The following NPAS3 variants were observed in gnomAD, a reference collection of about 807,000 sequenced individuals.
NPAS3 encodes the protein neuronal PAS domain-containing protein 3.
Under a neutral mutation model 73.1 loss-of-function variants are expected in NPAS3, and 14 were observed. That is an observed-to-expected ratio of 0.19 (90% CI 0.13 to 0.30). The LOEUF (loss-of-function observed/expected upper bound fraction) is 0.30, where lower values mean the gene tolerates loss of function less well. Among genes scored for constraint, NPAS3 ranks in the 10% least tolerant of loss-of-function variants. NPAS3 has a pLI of 1.00. For missense variants in NPAS3, 1,096 were observed against 1,250.0 expected, an observed-to-expected ratio of 0.88 and a Z score of 1.86; for synonymous variants, 620 against 541.5, an observed-to-expected ratio of 1.14 and a Z score of -2.01.
intron 1 of NPAS3, among the ~76,000 whole-genome samples, chr14:33,041,759 C>T (rs1450988600): frequency 6.6e-6 from 1 of 152,102 alleles, no homozygotes; most frequent in Non-Finnish European, 1.5e-5. Flanking sequence ...ACTAAACTTA[C>T]AGGTTTATAT....
At chr14:33,082,270 A>G (rs1289911492) in intron 2 of NPAS3, among the ~76,000 whole-genome samples, 3 of 152,192 alleles carry the variant, frequency 2.0e-5, no homozygotes. Flanking sequence ...CCTAGTTGTA[A>G]GAAAGGGAGA....
intron 5 of NPAS3, chr14:33,582,209 T>C (rs1320535750): frequency 6.6e-6 from 1 of 152,238 alleles, no homozygotes; most frequent in Non-Finnish European, 1.5e-5. Flanking sequence ...GATCATCCAT[T>C]TTCTCATACC....
chr14:33,107,040 G>T lies in NPAS3; in HGVS notation c.140+51046G>T, dbSNP rs1029147858. ...TGGCTGTTGTATTCTCACTTTTTCTGTGTCTTCCACTCAGAATAAAGGCTG... is the reference window on the plus strand; with the variant it reads ...TGGCTGTTGTATTCTCACTTTTTCTTTGTCTTCCACTCAGAATAAAGGCTG... On this transcript the variant is annotated intron_variant, in intron 2 of 11. Coordinates refer to ENST00000356141, the Ensembl canonical transcript of NPAS3. Among the ~76,000 whole-genome samples, 8 of 151,978 alleles carry T rather than the reference G, an allele frequency of 5.3e-5. No homozygotes were observed. In the South Asian group the frequency reaches 1.2e-3, roughly 24 times the overall value.
chr14:33,635,432 G>T (rs547946550), intron 5 of NPAS3, among the ~76,000 whole-genome samples: 1 of 152,286 alleles, frequency 6.6e-6, no homozygotes, highest in South Asian at 2.1e-4. Context: ...AAAGCAAGGG[G>T]AATTTTAGAC....
chr14:33,335,904 CATGTAGAAAT>C (rs2044205921), intron 3 of NPAS3, among the ~76,000 whole-genome samples: 1 of 152,108 alleles, frequency 6.6e-6, no homozygotes, highest in Non-Finnish European at 1.5e-5. Flanking sequence ...TGTAAACATT[CATGTAGAAAT>C]CTTTGTGTGA....
intron 4 of NPAS3, among the ~76,000 whole-genome samples, chr14:33,420,078 G>C (rs2048309499): frequency 6.6e-6 from 1 of 151,976 alleles, no homozygotes; most frequent in African/African-American, 2.4e-5. Context: ...AAGTTAAGCT[G>C]ACATGTTGAA....
chr14:33,025,048 C>G (rs1486324015), intron 1 of NPAS3, among the ~76,000 whole-genome samples: 1 of 152,104 alleles, frequency 6.6e-6, no homozygotes, highest in Non-Finnish European at 1.5e-5. Flanking sequence ...TCCAAGTCCT[C>G]TAATAAAAGT....
At chr14:33,164,254 A>G (rs1001901057) in intron 2 of NPAS3, among the ~76,000 whole-genome samples, 5 of 152,332 alleles carry the variant, frequency 3.3e-5, no homozygotes, top group East Asian at 1.9e-4. Flanking sequence ...CCATCAGTCA[A>G]TGTTAAACTA....
chr14:33,288,604 T>C (rs2041973056), intron 3 of NPAS3, among the ~76,000 whole-genome samples: 1 of 151,940 alleles, frequency 6.6e-6, no homozygotes, highest in African/African-American at 2.4e-5. Context: ...TCATTTTATA[T>C]AAAGGAAAAA....
At chr14:33,274,122 C>T (rs182802196) in intron 3 of NPAS3, among the ~76,000 whole-genome samples, 3 of 152,214 alleles carry the variant, frequency 2.0e-5, no homozygotes, top group South Asian at 2.1e-4. Flanking sequence ...ACACAGGAAA[C>T]GCAAGTGTGG....
At chr14:33,798,819 T>C (rs373928037) in intron 11 of NPAS3, among the ~76,000 whole-genome samples, 4 of 151,884 alleles carry the variant, frequency 2.6e-5, no homozygotes, top group East Asian at 1.9e-4. Flanking sequence ...TATATACTAG[T>C]GGGAAGAAGA....
chr14:33,435,992 C>A (rs2048972627), intron 4 of NPAS3, among the ~76,000 whole-genome samples: 1 of 152,110 alleles, frequency 6.6e-6, no homozygotes, highest in Admixed American at 6.5e-5. Flanking sequence ...CTGCTGGTGC[C>A]CTAGAACAGT....
At chr14:33,107,779 AT>A (rs1365431783) in intron 2 of NPAS3, among the ~76,000 whole-genome samples, 1 of 152,154 alleles carries the variant, frequency 6.6e-6, no homozygotes, top group African/African-American at 2.4e-5. Context: ...TTGGCTTCCC[AT>A]TTTATTCTCT....
At chr14:33,644,364 T>C (rs2058762670) in intron 5 of NPAS3, among the ~76,000 whole-genome samples, 1 of 152,136 alleles carries the variant, frequency 6.6e-6, no homozygotes, top group South Asian at 2.1e-4. Flanking sequence ...ACTACACACA[T>C]TTTGAACCCA....
intron 2 of NPAS3, among the ~76,000 whole-genome samples, chr14:33,197,574 A>G: frequency 6.6e-6 from 1 of 152,208 alleles, no homozygotes; most frequent in Non-Finnish European, 1.5e-5. Context: ...AGCAAAAATG[A>G]AAAGCCACAT....
chr14:33,444,434 G>T (rs537606541), intron 4 of NPAS3, among the ~76,000 whole-genome samples: 2 of 152,348 alleles, frequency 1.3e-5, no homozygotes, highest in South Asian at 4.1e-4. Context: ...TCGAACATTT[G>T]AGAGACATTG....
chr14:33,426,754 A>T lies in NPAS3; in HGVS notation c.468+59486A>T, dbSNP rs2048571045. 1.3e-5 allele frequency among the ~76,000 whole-genome samples: 2 copies of T among 152,122 alleles called. 1 individual carries two copies. The highest frequency in any genetic ancestry group is 4.1e-4 in the South Asian group (2 of 4,828). On this transcript the variant is annotated intron_variant, in intron 4 of 11. Coordinates refer to ENST00000356141, the Ensembl canonical transcript of NPAS3. ...ACATTTAGTAAGAACCATTCTAAGG[A>T]ATGGATCAAATGATTTCTGTATTCT...
In NPAS3 at chr14:33,224,082, A is replaced by G. The variant is rs150939199; in HGVS notation, c.385+8656A>G. 8.3e-3 allele frequency among the ~76,000 whole-genome samples: 1,259 copies of G among 152,310 alleles called. 13 individuals are homozygous for G. The highest frequency in any genetic ancestry group is 0.014 in the Admixed American group (211 of 15,290). On this transcript the variant is annotated intron_variant, in intron 3 of 11. Transcript: ENST00000356141. ...TCCAACTTATTTTAAAAAGTCTACC[A>G]GTTCTTGATAATGTAATATTTTAGT...
At chr14:33,156,699 A>T (rs1050476452) in intron 2 of NPAS3, among the ~76,000 whole-genome samples, 5 of 152,186 alleles carry the variant, frequency 3.3e-5, no homozygotes, top group Non-Finnish European at 5.9e-5. Context: ...TTATATTTTT[A>T]AAAATTGTAT....
Sources: gnomAD v4.1 joint callset for allele counts (sites outside exome capture counted in the v4.1 genomes callset) on GRCh38, gnomAD v4.1.1 for gene constraint, MANE v1.5 for transcripts, NCBI Gene and HGNC (gene_info 2026-07-23, HGNC 2026-07-21) for gene names.